GTF2A1L: variants seen among roughly 807,000 people sequenced by gnomAD.
GTF2A1L encodes TFIIA-alpha and beta-like factor.
In GTF2A1L, 48 loss-of-function variants were observed where a neutral mutation model predicts 49.7. The observed-to-expected ratio is 0.97, with a 90% confidence interval of 0.77 to 1.23. The LOEUF (loss-of-function observed/expected upper bound fraction) is 1.23, where lower values mean the gene tolerates loss of function less well. Ranked by LOEUF, GTF2A1L falls within the 50% of genes most tolerant of loss-of-function variation. The pLI is 0.00. For missense variants in GTF2A1L, 736 were observed against 564.8 expected (o/e 1.30, Z -3.07); for synonymous variants, 246 against 193.5 (o/e 1.27, Z -2.25).
At chr2:48,647,980 C>T (rs1677624737) in intron 6 of GTF2A1L, among the ~76,000 whole-genome samples, 2 of 152,198 alleles carry the variant, frequency 1.3e-5, no homozygotes, top group Admixed American at 1.3e-4. Flanking sequence ...ACCCACTGTA[C>T]AAATCTGTAG....
chr2:48,645,229 A>C (rs1677429233), intron 5 of GTF2A1L, 112 bp downstream of exon 5: 2 of 982,872 alleles, frequency 2.0e-6, no homozygotes, highest in Non-Finnish European at 2.9e-6. Context: ...AGAACTTTTA[A>C]TAAAATTGAT....
intron 3 of GTF2A1L, among the ~76,000 whole-genome samples, chr2:48,629,154 T>C (rs970537061): frequency 7.0e-6 from 1 of 142,658 alleles, no homozygotes; most frequent in East Asian, 2.0e-4. Context: ...GGCAGGAGAA[T>C]TGCTTGAACC....
chr2:48,656,919 T>C (rs1678212247), intron 6 of GTF2A1L, among the ~76,000 whole-genome samples: 1 of 152,186 alleles, frequency 6.6e-6, no homozygotes, highest in Non-Finnish European at 1.5e-5. Context: ...AATGTGGTGC[T>C]AGTTTTCCCA....
At chr2:48,642,286 C>A in intron 3 of GTF2A1L, 116 bp from the exon 4 acceptor site, 1 of 1,012,544 alleles carries the variant, frequency 9.9e-7, no homozygotes. Flanking sequence ...GTTTAGAATT[C>A]ACCATGGTTT....
intron 8 of GTF2A1L, among the ~76,000 whole-genome samples, chr2:48,677,847 G>C (rs1275024789): frequency 6.6e-6 from 1 of 151,950 alleles, no homozygotes; most frequent in Non-Finnish European, 1.5e-5. Context: ...TAAGTAGCAA[G>C]CATAAAGAAT....
intron 6 of GTF2A1L, among the ~76,000 whole-genome samples, chr2:48,650,567 G>C (rs913642603): frequency 6.6e-6 from 1 of 152,006 alleles, no homozygotes; most frequent in East Asian, 1.9e-4. Flanking sequence ...ATCAATAATT[G>C]ACTTTAGAAT....
intron 2 of GTF2A1L, 104 bp downstream of exon 2, chr2:48,621,056 AT>A: frequency 6.6e-7 from 1 of 1,511,438 alleles, no homozygotes; most frequent in South Asian, 1.3e-5. Context: ...GTACTTACCC[AT>A]TCATTGTGCC....
At position 48,646,794 on chromosome 2, in the gene GTF2A1L, C is replaced by A. The variant is rs375174783; in HGVS notation, c.730C>A (p.Leu244Ile). The stretch of plus-strand genomic sequence containing the variant: ...TCAGGAAAGTTCTCACTATATCAGT[C>A]TTCCAGGTGTTGTATTTTCTCCACA... ...CHQESSHYIS[L>I]PGVVFSPQVS... is the part of the protein sequence containing the mutation. The change falls in exon 6 of 9, where the codon CTT becomes ATT. Residue 244 changes from leucine (L) to isoleucine (I), a missense_variant. By Grantham distance (5) the Leu-to-Ile change is conservative (BLOSUM62 2). Transcript: ENST00000403751. The A allele has an allele frequency of 6.2e-7, 1 of 1,614,174 alleles. No homozygotes were observed. The highest frequency in any genetic ancestry group is 1.7e-5 in the Admixed American group (1 of 60,020).
chr2:48,622,335 T>C (rs1676047516), intron 3 of GTF2A1L, among the ~76,000 whole-genome samples: 1 of 152,260 alleles, frequency 6.6e-6, no homozygotes, highest in Non-Finnish European at 1.5e-5. Flanking sequence ...TAAGAATTAG[T>C]CTTGGCAGTT....
intron 1 of GTF2A1L, among the ~76,000 whole-genome samples, chr2:48,619,296 C>A (rs1675841509): frequency 6.6e-6 from 1 of 151,828 alleles, no homozygotes; most frequent in African/African-American, 2.4e-5. Context: ...TGGTGAAACC[C>A]CATCTCTACT....
intron 6 of GTF2A1L, among the ~76,000 whole-genome samples, chr2:48,649,709 G>T (rs1405728535): frequency 2.0e-5 from 3 of 152,154 alleles, no homozygotes; most frequent in Admixed American, 2.0e-4. Flanking sequence ...CCCAAATGCA[G>T]CCTGGTTGTG....
chr2:48,677,550 T>G (rs1416376200), intron 8 of GTF2A1L, among the ~76,000 whole-genome samples: 2 of 152,006 alleles, frequency 1.3e-5, no homozygotes, highest in African/African-American at 2.4e-5. Flanking sequence ...GTAAGGACTT[T>G]AGTTTTTGGA....
At position 48,659,584 on chromosome 2, in the gene GTF2A1L, T is replaced by G. The variant is rs561662098; in HGVS notation, c.979-10138T>G. ...GGATAATATTCACATCTTAACCTTA[T>G]TAATTTTTGAATCCATGAACTTGGG... On this transcript the variant is annotated intron_variant, in intron 6 of 8. Transcript: ENST00000403751. 1.0e-3 allele frequency among the ~76,000 whole-genome samples: 152 copies of G among 152,218 alleles called. 1 individual carries two copies. Among genetic ancestry groups the G allele is most frequent in the African/African-American group, 3.4e-3 (142 of 41,564 alleles).
chr2:48,672,938 TC>T (rs1269591232), intron 8 of GTF2A1L, among the ~76,000 whole-genome samples: 1 of 152,162 alleles, frequency 6.6e-6, no homozygotes, highest in African/African-American at 2.4e-5. Context: ...TGCAGTATTC[TC>T]CCCATTTTCC....
chr2:48,652,133 A>C (rs1465223229), intron 6 of GTF2A1L, among the ~76,000 whole-genome samples: 3 of 152,176 alleles, frequency 2.0e-5, no homozygotes, highest in Non-Finnish European at 4.4e-5. Context: ...ATCCTCTCCC[A>C]GAGTAAAGAG....
At position 48,669,964 on chromosome 2, in the gene GTF2A1L, A is replaced by G. The variant is rs557699986; in HGVS notation, c.1221A>G (p.Gln407=). 3.7e-6 allele frequency: 6 copies of G among 1,613,490 alleles called. No homozygotes were observed. In the African/African-American group the frequency reaches 6.7e-5, roughly 18 times the overall value. Residue 407 remains glutamine (Q), a synonymous_variant, in exon 7 of 9, where the codon CAA becomes CAG. Transcript: ENST00000403751. The part of the protein sequence containing the change: ...ATNSSDNEDP[Q]VNIVEEDPLN... ...ACAGTAGTGATAATGAAGACCCTCA[A>G]GTAAACATTGTAGAAGAGGTGAGGA...
At chr2:48,649,836 A>G (rs1040390671) in intron 6 of GTF2A1L, among the ~76,000 whole-genome samples, 5 of 152,146 alleles carry the variant, frequency 3.3e-5, no homozygotes, top group South Asian at 4.1e-4. Context: ...AAAGTTTCCT[A>G]TTTACTCTTC....
intron 3 of GTF2A1L, among the ~76,000 whole-genome samples, chr2:48,625,163 C>G (rs1013939165): frequency 6.9e-6 from 1 of 144,006 alleles, no homozygotes; most frequent in Admixed American, 7.0e-5. Flanking sequence ...GCTGACCATT[C>G]TGCATTCCCA....
chr2:48,643,795 G>C (rs1677338049), intron 4 of GTF2A1L, among the ~76,000 whole-genome samples: 1 of 150,550 alleles, frequency 6.6e-6, no homozygotes, highest in Non-Finnish European at 1.5e-5. Flanking sequence ...CGCCTCCCAG[G>C]TTCAAGTGAT....
Sources: allele counts gnomAD v4.1 joint callset (sites outside exome capture counted in the v4.1 genomes callset), GRCh38; gene constraint gnomAD v4.1.1; transcripts MANE v1.5; gene names NCBI Gene and HGNC (gene_info 2026-07-23, HGNC 2026-07-21).